The following SULF2 variants were observed in gnomAD, a reference collection of about 807,000 sequenced individuals.
SULF2 encodes sulfatase 2.
SULF2 carries 52 observed loss-of-function variants against 107.7 expected under a neutral mutation model. That is an observed-to-expected ratio of 0.48 (90% confidence interval 0.39 to 0.61). The LOEUF (loss-of-function observed/expected upper bound fraction) is 0.61. SULF2 is among the 20% of genes least tolerant of loss of function. The pLI is 0.00. For missense variants in SULF2, 993 were observed against 1,177.3 expected (o/e 0.84, Z 2.29); for synonymous variants, 460 against 464.3 (o/e 0.99, Z 0.12).
At chr20:47,742,803 TGAC>T (rs2089915937) in intron 2 of SULF2, among the ~76,000 whole-genome samples, 1 of 152,160 alleles carries the variant, frequency 6.6e-6, no homozygotes, top group African/African-American at 2.4e-5. Context: ...CTGCCACAGA[TGAC>T]GACGTTGCCA....
chr20:47,669,486 A>C lies in SULF2; in HGVS notation c.1576+2712T>G, dbSNP rs116806402. 3.9e-3 allele frequency among the ~76,000 whole-genome samples: 594 copies of C among 152,316 alleles called. 4 individuals carry two copies. The highest frequency in any genetic ancestry group is 0.014 in the African/African-American group (568 of 41,558). On this transcript the variant is annotated intron_variant, in intron 11 of 20. Coordinates refer to ENST00000688720, the MANE Select transcript of SULF2 (RefSeq NM_001387048.1). ...TCCATCACACACAATTGTGACAGCC[A>C]AAACTGTCTCCAAACATTGCCAAGT...
rs1310111884 is a variant in SULF2, at chr20:47,663,121, T to C, written c.2319A>G (p.Glu773=). Residue 773 remains glutamate, a synonymous_variant, in exon 17 of 21, where the codon GAA becomes GAG. Coordinates refer to ENST00000688720, the MANE Select transcript of SULF2 (RefSeq NM_001387048.1). The stretch of plus-strand genomic sequence containing the variant: ...AGTACTCTAGGAAGCCAGTTGCAAA[T>C]TCACAGAAGAGGAAATTGTGAGTCT... ...INETHNFLFC[E]FATGFLEYFD... The C allele has an allele frequency of 6.2e-7, 1 of 1,614,134 alleles. No homozygotes were observed. The highest frequency in any genetic ancestry group is 1.1e-5 in the South Asian group (1 of 91,080).
Position 47,785,435 on chromosome 20 carries a change from G to GCGC in SULF2, c.-196_-194dup, listed in dbSNP as rs1299151537. ...CGGGCCGCTGGGCGCAGGGGACTCC[G>GCGC]CGCCGCCGCTGCCGCTGCCGCCGCC... On this transcript the variant is annotated 5_prime_UTR_variant, in exon 1 of 21. Transcript: ENST00000688720. 16 of 151,556 alleles carry GCGC rather than the reference G, an allele frequency of 1.1e-4. No homozygotes were observed. Among genetic ancestry groups the GCGC allele is most frequent in the East Asian group, 3.8e-4 (2 of 5,262 alleles). 9.4% of individuals were successfully genotyped at this position (151,556 alleles called of 1,614,324 possible).
At chr20:47,765,371 C>CAAAAA (rs11478422) in intron 1 of SULF2, among the ~76,000 whole-genome samples, 1 of 138,264 alleles carries the variant, frequency 7.2e-6, no homozygotes. Context: ...CAAAACAAAA[C>CAAAAA]AAAAAAAAAA....
chr20:47,776,293 C>A (rs7265486), intron 1 of SULF2, among the ~76,000 whole-genome samples: 7 of 152,174 alleles, frequency 4.6e-5, no homozygotes, highest in African/African-American at 1.7e-4. Flanking sequence ...AACATTTCTG[C>A]GAGCTGAACA....
intron 5 of SULF2, among the ~76,000 whole-genome samples, chr20:47,688,765 C>G (rs1003688408): frequency 6.6e-6 from 1 of 152,060 alleles, no homozygotes; most frequent in African/African-American, 2.4e-5. Flanking sequence ...CCCCAGAGAT[C>G]AGGGGATGGG....
At chr20:47,742,487 C>G (rs2089908340) in intron 2 of SULF2, among the ~76,000 whole-genome samples, 1 of 152,126 alleles carries the variant, frequency 6.6e-6, no homozygotes, top group African/African-American at 2.4e-5. Context: ...CTGGAGAGGC[C>G]TCACCCCCAG....
At chr20:47,758,183 T>C (rs868065281) in intron 1 of SULF2, among the ~76,000 whole-genome samples, 39 of 144,108 alleles carry the variant, frequency 2.7e-4, no homozygotes, top group Middle Eastern at 3.6e-3. Flanking sequence ...TTTTTTTTTT[T>C]CCCAGACAGA....
chr20:47,741,341 C>G (rs1381066034), intron 2 of SULF2, among the ~76,000 whole-genome samples: 2 of 151,812 alleles, frequency 1.3e-5, no homozygotes, highest in Non-Finnish European at 2.9e-5. Flanking sequence ...GAACCTGTGC[C>G]CTGCTGTTCC....
At chr20:47,716,427 C>T (rs2089123786) in intron 3 of SULF2, among the ~76,000 whole-genome samples, 1 of 152,016 alleles carries the variant, frequency 6.6e-6, no homozygotes, top group Admixed American at 6.6e-5. Flanking sequence ...ACTGCTTGAA[C>T]CCAGGAGGTG....
chr20:47,697,015 G>C (rs1245764973), intron 4 of SULF2, among the ~76,000 whole-genome samples: 5 of 152,190 alleles, frequency 3.3e-5, no homozygotes, highest in African/African-American at 1.2e-4. Context: ...GCTGCGGCAA[G>C]GGGCGGGGCA....
At chr20:47,735,049 G>A (rs548466211) in intron 3 of SULF2, among the ~76,000 whole-genome samples, 1 of 152,244 alleles carries the variant, frequency 6.6e-6, no homozygotes, top group Admixed American at 6.5e-5. Context: ...TCAGTCTGAT[G>A]AATACTATTT....
chr20:47,674,485 G>A (rs190194853), intron 10 of SULF2, among the ~76,000 whole-genome samples: 8 of 152,220 alleles, frequency 5.3e-5, no homozygotes, highest in South Asian at 2.1e-4. Flanking sequence ...TTACACTCAC[G>A]TGTTGCCCGT....
intron 6 of SULF2, 165 bp downstream of exon 6, chr20:47,684,266 C>G (rs1447003776): frequency 3.1e-6 from 2 of 638,870 alleles, no homozygotes; most frequent in Non-Finnish European, 5.0e-6. Context: ...AGGCTTTTGT[C>G]TGGATTGCTC....
chr20:47,774,480 T>C (rs71351697), intron 1 of SULF2, among the ~76,000 whole-genome samples: 19,298 of 152,130 alleles, frequency 0.13, 1,413 homozygotes, highest in African/African-American at 0.2. Context: ...GAGGGGGATA[T>C]TGAGGCATGG....
At chr20:47,763,337 A>G (rs2146936952) in intron 1 of SULF2, among the ~76,000 whole-genome samples, 1 of 152,328 alleles carries the variant, frequency 6.6e-6, no homozygotes, top group South Asian at 2.1e-4. Flanking sequence ...AACGGGTCTG[A>G]GTGACTGATG....
intron 1 of SULF2, among the ~76,000 whole-genome samples, chr20:47,763,283 A>T (rs1369228358): frequency 6.6e-6 from 1 of 152,062 alleles, no homozygotes; most frequent in Non-Finnish European, 1.5e-5. Context: ...GCATTTAGAA[A>T]CATCATTTTT....
At chr20:47,693,927 G>A (rs2088288394) in intron 4 of SULF2, among the ~76,000 whole-genome samples, 1 of 152,182 alleles carries the variant, frequency 6.6e-6, no homozygotes, top group African/African-American at 2.4e-5. Context: ...CCTGTGCACA[G>A]CCAGCTCTCT....
chr20:47,658,669 C>T (rs748097544), intron 20 of SULF2, among the ~76,000 whole-genome samples: 2 of 152,036 alleles, frequency 1.3e-5, no homozygotes, highest in Non-Finnish European at 2.9e-5. Context: ...CTAGAAGCAC[C>T]GAAGAAAGGC....
Sources: allele counts gnomAD v4.1 joint callset (sites outside exome capture counted in the v4.1 genomes callset), GRCh38; gene constraint gnomAD v4.1.1; transcripts MANE v1.5; gene names NCBI Gene and HGNC (gene_info 2026-07-23, HGNC 2026-07-21).